Variants in SLC25A42 observed in about 807,000 individuals in gnomAD.
The protein encoded by SLC25A42 is mitochondrial coenzyme A transporter SLC25A42.
In SLC25A42, 19 loss-of-function variants were observed where a neutral mutation model predicts 34.7. The ratio of observed to expected loss-of-function variants is 0.55; its 90% CI spans 0.38 to 0.80. The LOEUF (loss-of-function observed/expected upper bound fraction) is 0.80. Among genes scored for constraint, SLC25A42 ranks in the 30% least tolerant of loss-of-function variants. The pLI, the probability that SLC25A42 is intolerant of heterozygous loss-of-function variation, is 0.00. For missense variants in SLC25A42, 364 were observed against 441.3 expected, an observed-to-expected ratio of 0.82 and a Z score of 1.57; for synonymous variants, 205 against 191.2, an observed-to-expected ratio of 1.07 and a Z score of -0.59.
intron 4 of SLC25A42, 132 bp from the exon 5 acceptor site, chr19:19,105,429 G>T (rs2059820763): frequency 9.6e-7 from 1 of 1,045,216 alleles, no homozygotes. Context: ...ATGGGGGTGG[G>T]GTTATGTGCT....
chr19:19,067,581 T>C (rs1445286624), intron 1 of SLC25A42, among the ~76,000 whole-genome samples: 2 of 152,086 alleles, frequency 1.3e-5, no homozygotes, highest in Non-Finnish European at 2.9e-5. Flanking sequence ...AGACCCTGTT[T>C]TTCTGTTAAA....
In SLC25A42 at chr19:19,105,723, G is replaced by A; in HGVS notation, c.376G>A (p.Gly126Arg). The stretch of plus-strand genomic sequence containing the variant: ...CCTGGGCAGCTACTATGGCTTCCGT[G>A]GAGAGTGAGGCCCCGCCCCGCCCTG... ...RILGSYYGFRGEALPPWPRLF... is the reference protein window; with the variant it reads ...RILGSYYGFRREALPPWPRLF... The change falls in exon 5 of 8, where the codon GGA (glycine) becomes AGA (arginine). Residue 126 changes from glycine (G) to arginine (R), a missense_variant. Coordinates refer to ENST00000318596, the MANE Select transcript of SLC25A42 (RefSeq NM_178526.5). 6.4e-7 allele frequency: 1 copy of A among 1,568,384 alleles called. No homozygotes were observed. The highest frequency in any genetic ancestry group is 8.7e-7 in the Non-Finnish European group (1 of 1,153,724).
chr19:19,101,033 C>T (rs1185649610), intron 2 of SLC25A42, among the ~76,000 whole-genome samples: 4 of 152,110 alleles, frequency 2.6e-5, no homozygotes, highest in Admixed American at 6.6e-5. Flanking sequence ...GTCCCGTGGC[C>T]GAGTCAGCAG....
Position 19,109,885 on chromosome 19 carries a change from A to G in SLC25A42, c.650-684A>G, listed in dbSNP as rs2059853508. 6.6e-6 allele frequency among the ~76,000 whole-genome samples: 1 copy of G among 152,060 alleles called. No individual in the cohort carries two copies. The highest frequency in any genetic ancestry group is 2.4e-5 in the African/African-American group (1 of 41,384). On this transcript the variant is annotated intron_variant, in intron 7 of 7. Transcript: ENST00000318596. This position sits in a 1 kb window ranked among gnomAD's most constrained non-coding sequence, Gnocchi z 4.1. ...GTGAAGTTCATGGTCACTTATGTCC[A>G]CTCTGTGCAACAGCTCGCAGGGGCT... is the stretch of plus-strand genomic sequence containing the variant.
intron 1 of SLC25A42, among the ~76,000 whole-genome samples, chr19:19,082,986 T>A (rs2059688962): frequency 6.6e-6 from 1 of 151,868 alleles, no homozygotes; most frequent in African/African-American, 2.4e-5. Context: ...ACCCAGCTAA[T>A]TTTTTTTGTA....
chr19:19,107,882 C>T lies in SLC25A42; in HGVS notation c.498-12C>T. ...CCTGAGTCCCACCTGCTGGGCTGCT[C>T]TGTCCTGGCAGGTACAGCAACATCT... On this transcript the variant is annotated splice_polypyrimidine_tract_variant and intron_variant, in intron 6 of 7. Coordinates refer to ENST00000318596, the MANE Select transcript of SLC25A42 (RefSeq NM_178526.5). 2 of 1,613,886 alleles carry T rather than the reference C, an allele frequency of 1.2e-6. No homozygotes were observed. The highest frequency in any genetic ancestry group is 1.7e-6 in the Non-Finnish European group (2 of 1,179,956).
At chr19:19,079,303 G>A (rs1230738497) in intron 1 of SLC25A42, among the ~76,000 whole-genome samples, 1 of 152,036 alleles carries the variant, frequency 6.6e-6, no homozygotes, top group African/African-American at 2.4e-5. Flanking sequence ...TTATCTGACT[G>A]ACTCAGCCTC....
chr19:19,105,546 C>T lies in SLC25A42; in HGVS notation c.214-15C>T, dbSNP rs371330383. The T allele has an allele frequency of 8.1e-6, 13 of 1,604,890 alleles. No homozygotes were observed. Among genetic ancestry groups the T allele is most frequent in the Non-Finnish European group, 1.1e-5 (13 of 1,173,282 alleles). ...GCAGAGGCAGAGGGATGTTGACCTT[C>T]CCGCTTATCTCCAGGAGGCCTTCCG... On this transcript the variant is annotated splice_polypyrimidine_tract_variant and intron_variant, in intron 4 of 7. Coordinates refer to ENST00000318596, the MANE Select transcript of SLC25A42 (RefSeq NM_178526.5).
chr19:19,068,562 G>A (rs1264405757), intron 1 of SLC25A42, among the ~76,000 whole-genome samples: 1 of 152,028 alleles, frequency 6.6e-6, no homozygotes, highest in African/African-American at 2.4e-5. Flanking sequence ...AGCTACTCTG[G>A]AGGCTGAGGC....
At chr19:19,066,313 GCAGAAA>G (rs2059601623) in intron 1 of SLC25A42, among the ~76,000 whole-genome samples, 3 of 152,182 alleles carry the variant, frequency 2.0e-5, no homozygotes, top group Admixed American at 6.5e-5. Flanking sequence ...GACTGGGGTG[GCAGAAA>G]GGGGTCGGGG....
chr19:19,094,133 C>G (rs1158652060), intron 1 of SLC25A42, among the ~76,000 whole-genome samples: 7 of 152,208 alleles, frequency 4.6e-5, no homozygotes, highest in Admixed American at 4.6e-4. Flanking sequence ...TTCTGTGCTG[C>G]AGTCACTGAC....
chr19:19,100,432 TCTC>T (rs1277613235), intron 2 of SLC25A42, among the ~76,000 whole-genome samples: 2 of 151,962 alleles, frequency 1.3e-5, no homozygotes, highest in Non-Finnish European at 2.9e-5. Context: ...CTCTTTGCCA[TCTC>T]CTTTCTCTTC....
At chr19:19,078,900 G>A (rs958511293) in intron 1 of SLC25A42, among the ~76,000 whole-genome samples, 8 of 151,960 alleles carry the variant, frequency 5.3e-5, no homozygotes, top group East Asian at 1.9e-4. Flanking sequence ...CCCCCAGGCT[G>A]GAGTGCAGTG....
At position 19,112,481 on chromosome 19, in the gene SLC25A42, C is replaced by G. The variant is rs983322529; in HGVS notation, c.*1605C>G. 30 of 152,572 alleles carry G rather than the reference C, an allele frequency of 2.0e-4. No individual in the cohort carries two copies. Among genetic ancestry groups the G allele is most frequent in the African/African-American group, 6.7e-4 (28 of 41,578 alleles). 9.5% of individuals were successfully genotyped at this position (152,572 alleles called of 1,614,324 possible). On this transcript the variant is annotated 3_prime_UTR_variant, in exon 8 of 8. Coordinates refer to ENST00000318596, the MANE Select transcript of SLC25A42 (RefSeq NM_178526.5). This position sits in a 1 kb window ranked among gnomAD's most constrained non-coding sequence, Gnocchi z 4.3. ...TTGGCAGGAGAGGCAGGGCAACCCT[C>G]ACAGGGAGATGGGAGGGCACCCAAC... is the stretch of plus-strand genomic sequence containing the variant.
chr19:19,067,512 G>A (rs1261632715), intron 1 of SLC25A42, among the ~76,000 whole-genome samples: 1 of 152,102 alleles, frequency 6.6e-6, no homozygotes, highest in Non-Finnish European at 1.5e-5. Context: ...GAGCCCAGGA[G>A]TTCAATGCTG....
intron 1 of SLC25A42, among the ~76,000 whole-genome samples, chr19:19,095,108 C>T (rs28494501): frequency 0.014 from 2,175 of 151,932 alleles, 65 homozygotes; most frequent in African/African-American, 0.05. Flanking sequence ...GGCTGAGGCA[C>T]AAGAATTACT....
At chr19:19,069,902 T>G (rs904741145) in intron 1 of SLC25A42, among the ~76,000 whole-genome samples, 3 of 151,964 alleles carry the variant, frequency 2.0e-5, no homozygotes, top group Non-Finnish European at 4.4e-5. Flanking sequence ...CTTCGCTCAC[T>G]GCAACCTCTG....
rs2059827138 is a variant in SLC25A42, at chr19:19,106,271, C to A, written c.383C>A (p.Ala128Asp). The A allele has an allele frequency of 1.9e-6, 3 of 1,610,844 alleles. No homozygotes were observed. Among genetic ancestry groups the A allele is most frequent in the Non-Finnish European group, 2.5e-6 (3 of 1,179,716 alleles). Residue 128 changes from alanine (A) to aspartate (D), a missense_variant and splice_region_variant, in exon 6 of 8, where the codon GCC becomes GAC. Physicochemically the swap from Ala to Asp is moderately radical, Grantham distance 126 (BLOSUM62 -2). Coordinates refer to ENST00000318596, the MANE Select transcript of SLC25A42 (RefSeq NM_178526.5). ...LGSYYGFRGE[A>D]LPPWPRLFAG... ...CCTTCTCCTCCTGCCCTGTTCAGAGCCCTGCCCCCTTGGCCTCGCCTCTTC... is the reference window on the plus strand; with the variant it reads ...CCTTCTCCTCCTGCCCTGTTCAGAGACCTGCCCCCTTGGCCTCGCCTCTTC...
intron 6 of SLC25A42, among the ~76,000 whole-genome samples, 161 bp from the exon 7 acceptor site, chr19:19,107,733 A>T (rs928242930): frequency 6.6e-6 from 1 of 152,210 alleles, no homozygotes; most frequent in Non-Finnish European, 1.5e-5. Flanking sequence ...CTAATAACAA[A>T]GCTTGAGTGA....
Sources: gnomAD v4.1 joint callset for allele counts (sites outside exome capture counted in the v4.1 genomes callset) on GRCh38, gnomAD v4.1.1 for gene constraint, Gnocchi (gnomAD v3.1) non-coding constraint, MANE v1.5 for transcripts, NCBI Gene and HGNC (gene_info 2026-07-23, HGNC 2026-07-21) for gene names.